Variants in KCNIP4 observed in about 807,000 individuals in gnomAD.
The protein encoded by KCNIP4 is Kv channel-interacting protein 4.
Under a neutral mutation model 34.0 loss-of-function variants are expected in KCNIP4, and 12 were observed. The observed-to-expected ratio is 0.35, with a 90% CI of 0.23 to 0.57. The LOEUF is 0.57. KCNIP4 is among the 20% of genes least tolerant of loss of function. The pLI, the probability that KCNIP4 is intolerant of heterozygous loss-of-function variation, is 0.83. For missense variants in KCNIP4, 238 were observed against 311.7 expected, an observed-to-expected ratio of 0.76 and a Z score of 1.78; for synonymous variants, 124 against 102.2, an observed-to-expected ratio of 1.21 and a Z score of -1.29.
At chr4:21,119,208 TTG>T (rs1749933833) in intron 1 of KCNIP4, among the ~76,000 whole-genome samples, 1 of 152,070 alleles carries the variant, frequency 6.6e-6, no homozygotes, top group African/African-American at 2.4e-5. Context: ...AGGTAGCATT[TTG>T]AGCTGACCAG....
chr4:21,924,038 A>G (rs1483632952), intron 1 of KCNIP4, among the ~76,000 whole-genome samples: 1 of 152,160 alleles, frequency 6.6e-6, no homozygotes, highest in Non-Finnish European at 1.5e-5. Flanking sequence ...TTCTACTTCT[A>G]CAATGCAAAT....
intron 1 of KCNIP4, among the ~76,000 whole-genome samples, chr4:21,038,066 C>A (rs1741612371): frequency 6.6e-6 from 1 of 152,202 alleles, no homozygotes; most frequent in Non-Finnish European, 1.5e-5. Context: ...CAACCTCTAC[C>A]TCCCTTGTTC....
At chr4:21,602,983 C>A (rs1268152126) in intron 1 of KCNIP4, among the ~76,000 whole-genome samples, 1 of 152,128 alleles carries the variant, frequency 6.6e-6, no homozygotes, top group Non-Finnish European at 1.5e-5. Flanking sequence ...TATTTGCTTG[C>A]ATCTACATAT....
intron 1 of KCNIP4, among the ~76,000 whole-genome samples, chr4:21,775,668 T>C (rs1050583405): frequency 2.3e-4 from 35 of 152,132 alleles, no homozygotes; most frequent in African/African-American, 7.5e-4. Context: ...GCTGGAGTTA[T>C]TGGAGATCCT....
chr4:20,830,196 C>T (rs926487290), intron 3 of KCNIP4, among the ~76,000 whole-genome samples: 5 of 152,170 alleles, frequency 3.3e-5, no homozygotes, highest in Admixed American at 6.5e-5. Flanking sequence ...GATATTTACT[C>T]GGACAGTGTA....
intron 4 of KCNIP4, among the ~76,000 whole-genome samples, chr4:20,751,721 A>G (rs1335910866): frequency 6.6e-6 from 1 of 152,194 alleles, no homozygotes; most frequent in Non-Finnish European, 1.5e-5. Flanking sequence ...ACATGGGTAT[A>G]TGATAATTAC....
chr4:21,579,615 G>A (rs1256065678), intron 1 of KCNIP4, among the ~76,000 whole-genome samples: 1 of 151,930 alleles, frequency 6.6e-6, no homozygotes, highest in African/African-American at 2.4e-5. Context: ...TTTACCCACT[G>A]GGAGCAACTA....
chr4:21,883,258 G>C (rs1578107349), intron 1 of KCNIP4, among the ~76,000 whole-genome samples: 1 of 150,646 alleles, frequency 6.6e-6, no homozygotes, highest in Admixed American at 6.6e-5. Context: ...AGATCCCCCT[G>C]TGTAAGCCTC....
intron 1 of KCNIP4, among the ~76,000 whole-genome samples, chr4:21,880,645 C>T (rs184306030): frequency 6.6e-6 from 1 of 152,084 alleles, no homozygotes; most frequent in African/African-American, 2.4e-5. Context: ...AAGAAGAGAA[C>T]AAAATGATAT....
chr4:21,087,612 G>C (rs1368189129), intron 1 of KCNIP4, among the ~76,000 whole-genome samples: 1 of 152,090 alleles, frequency 6.6e-6, no homozygotes, highest in Non-Finnish European at 1.5e-5. Context: ...TAATTATCCT[G>C]TGGGAGTCAA....
chr4:21,818,913 C>G (rs1283725518), intron 1 of KCNIP4, among the ~76,000 whole-genome samples: 1 of 152,016 alleles, frequency 6.6e-6, no homozygotes, highest in East Asian at 1.9e-4. Context: ...AGTGAGGGAA[C>G]CAGGAACCAG....
intron 1 of KCNIP4, among the ~76,000 whole-genome samples, chr4:21,736,545 G>A (rs569593932): frequency 1.3e-5 from 2 of 152,282 alleles, no homozygotes; most frequent in East Asian, 1.9e-4. Flanking sequence ...CCTGGCAACA[G>A]AATGCCCACA....
intron 1 of KCNIP4, among the ~76,000 whole-genome samples, chr4:21,906,508 C>T (rs1009588786): frequency 6.6e-6 from 1 of 152,220 alleles, no homozygotes; most frequent in African/African-American, 2.4e-5. Flanking sequence ...AGGGAGGATC[C>T]TGGCCCTTCA....
At chr4:21,654,656 G>A (rs1431091182) in intron 1 of KCNIP4, among the ~76,000 whole-genome samples, 1 of 152,140 alleles carries the variant, frequency 6.6e-6, no homozygotes, top group Non-Finnish European at 1.5e-5. Flanking sequence ...GGGTATGGTG[G>A]CTCATGCCTG....
chr4:21,646,443 A>G (rs1244496397), intron 1 of KCNIP4, among the ~76,000 whole-genome samples: 1 of 152,246 alleles, frequency 6.6e-6, no homozygotes, highest in Middle Eastern at 3.2e-3. Flanking sequence ...AAGAAGAAGC[A>G]CATAGTGTAT....
intron 1 of KCNIP4, among the ~76,000 whole-genome samples, chr4:21,869,203 C>T (rs1725612800): frequency 6.6e-6 from 1 of 151,982 alleles, no homozygotes; most frequent in Non-Finnish European, 1.5e-5. Flanking sequence ...TCATTTCTAC[C>T]CCAATTTTCT....
chr4:20,790,904 G>A (rs1398244997), intron 3 of KCNIP4, among the ~76,000 whole-genome samples: 1 of 152,160 alleles, frequency 6.6e-6, no homozygotes. Context: ...AGAAAAGAGA[G>A]AGAGAGAGAT....
chr4:21,326,314 G>A (rs1298943351), intron 1 of KCNIP4, among the ~76,000 whole-genome samples: 6 of 149,806 alleles, frequency 4.0e-5, no homozygotes, highest in South Asian at 4.2e-4. Flanking sequence ...ATACATATAC[G>A]CACACATATT....
Position 21,917,814 on chromosome 4 carries a change from GACGAATGAGT to G in KCNIP4, c.61+30747_61+30756del, listed in dbSNP as rs1578142535. On this transcript the variant is annotated intron_variant, in intron 1 of 8. Transcript: ENST00000382152. ...AAATAAAAGAAGGTTGCAATTACAA[GACGAATGAGT>G]ACTGGATTGGCAAAAGCAAGACGTT... Among the ~76,000 whole-genome samples, 3 of 152,314 alleles carry G rather than the reference GACGAATGAGT, an allele frequency of 2.0e-5. No homozygotes were observed. In the East Asian group the frequency reaches 5.8e-4, roughly 29 times the overall value.
Sources: gnomAD v4.1 joint callset for allele counts (sites outside exome capture counted in the v4.1 genomes callset) on GRCh38, gnomAD v4.1.1 for gene constraint, MANE v1.5 for transcripts, NCBI Gene and HGNC (gene_info 2026-07-23, HGNC 2026-07-21) for gene names.